The following TUT4 variants were observed in gnomAD, a reference collection of about 807,000 sequenced individuals.
The protein encoded by TUT4 is terminal uridylyltransferase 4.
A neutral mutation model predicts 192.2 loss-of-function variants in TUT4; 36 were observed. The ratio of observed to expected loss-of-function variants is 0.19; its 90% CI spans 0.14 to 0.25. The LOEUF is 0.25. Ranked by LOEUF, TUT4 falls within the 10% of genes least tolerant of loss-of-function variation. TUT4 has a pLI of 1.00. For missense variants in TUT4, 1,493 were observed against 1,957.2 expected (o/e 0.76, Z 4.47); for synonymous variants, 618 against 666.0 (o/e 0.93, Z 1.11).
rs1282392833 is a variant in TUT4 at position 52,475,004 on chromosome 1, C to T, written c.2555G>A (p.Cys852Tyr). 2 of 1,614,170 alleles carry T rather than the reference C, an allele frequency of 1.2e-6. No homozygotes were observed. Among genetic ancestry groups the T allele is most frequent in the Admixed American group, 3.3e-5 (2 of 60,026 alleles). Residue 852 changes from cysteine (C) to tyrosine (Y), a missense_variant, in exon 13 of 30, where the codon TGC (cysteine) becomes TAC (tyrosine). Physicochemically the swap from Cys to Tyr is radical, Grantham distance 194 (BLOSUM62 -2). Transcript: ENST00000257177. ...ACTCTCTGTTTCTAAATTTGACCTG[C>T]AGTCTGTTCCAGTAGATTTATCTGG... ...PDPDKSTGTD[C>Y]RSNLETESSH... is the part of the protein sequence containing the mutation.
In TUT4 at chr1:52,435,444, A is replaced by C. The variant is rs752024382; in HGVS notation, c.4184T>G (p.Leu1395Arg). ...SVAAAQLVRN[L>R]VNAQQVAGSA... ...ACCAGCCACCTGTTGAGCATTTACA[A>C]GGTTGCGGACCAGCTGGGCTGCTAA... The change falls in exon 27 of 30, where the codon CTT becomes CGT. Residue 1395 changes from leucine (L) to arginine (R), a missense_variant. Transcript: ENST00000257177. 6.2e-7 allele frequency: 1 copy of C among 1,614,052 alleles called. No individual in the cohort carries two copies. Among genetic ancestry groups the C allele is most frequent in the Non-Finnish European group, 8.5e-7 (1 of 1,180,000 alleles).
intron 20 of TUT4, among the ~76,000 whole-genome samples, chr1:52,450,950 A>G (rs1659194402): frequency 1.3e-5 from 2 of 152,124 alleles, no homozygotes; most frequent in African/African-American, 4.8e-5. Context: ...CCCTATTTAA[A>G]GCCTAAACAA....
chr1:52,425,452 G>A lies in TUT4; in HGVS notation c.4767C>T (p.Pro1589=), dbSNP rs1649541686. The A allele has an allele frequency of 6.2e-7, 1 of 1,614,090 alleles. No individual in the cohort carries two copies. Among genetic ancestry groups the A allele is most frequent in the Non-Finnish European group, 8.5e-7 (1 of 1,179,948 alleles). Residue 1589 remains proline, a synonymous_variant, in exon 29 of 30, where the codon CCC becomes CCT. Coordinates refer to ENST00000257177, the MANE Select transcript of TUT4 (RefSeq NM_001009881.3). ...PPIPWEHAPR[P]HFPLVPASWP... ...ACGAAGCTGGGACAAGGGGGAAATG[G>A]GGACGCGGTGCATGTTCCCAAGGAA...
chr1:52,521,094 A>G (rs1489881196), intron 2 of TUT4, among the ~76,000 whole-genome samples: 1 of 151,934 alleles, frequency 6.6e-6, no homozygotes, highest in African/African-American at 2.4e-5. Context: ...GTGCCCGGCC[A>G]ACTTACTACA....
In TUT4 at chr1:52,525,666, A is replaced by T; in HGVS notation, c.615T>A (p.Ala205=). The T allele has an allele frequency of 6.2e-7, 1 of 1,614,156 alleles. No individual in the cohort carries two copies. Among genetic ancestry groups the T allele is most frequent in the Non-Finnish European group, 8.5e-7 (1 of 1,180,022 alleles). The part of the protein sequence containing the change: ...NIEAVGGEKC[A]LQNSPRSQKQ... ...TCTGAGATCGTGGTGAGTTTTGCAGAGCACATTTTTCTCCCCCTACAGCTT... is the reference window on the plus strand; with the variant it reads ...TCTGAGATCGTGGTGAGTTTTGCAGTGCACATTTTTCTCCCCCTACAGCTT... The change falls in exon 2 of 30, where the codon GCT becomes GCA. Residue 205 remains alanine (A), a synonymous_variant. Transcript: ENST00000257177.
chr1:52,487,589 T>C (rs193251677), intron 9 of TUT4, among the ~76,000 whole-genome samples: 3 of 152,250 alleles, frequency 2.0e-5, no homozygotes, highest in African/African-American at 7.2e-5. Flanking sequence ...TTTTACTGCC[T>C]CCACTCTCTT....
intron 9 of TUT4, among the ~76,000 whole-genome samples, chr1:52,488,053 T>C (rs1038265580): frequency 2.6e-5 from 4 of 152,098 alleles, no homozygotes; most frequent in Non-Finnish European, 5.9e-5. Flanking sequence ...TACAAAGGCC[T>C]TGAGTATAAA....
At chr1:52,521,933 C>A (rs1303629973) in intron 2 of TUT4, among the ~76,000 whole-genome samples, 4 of 152,042 alleles carry the variant, frequency 2.6e-5, no homozygotes, top group Non-Finnish European at 5.9e-5. Context: ...CCACTGCACT[C>A]CAGCCAGGGC....
intron 1 of TUT4, among the ~76,000 whole-genome samples, chr1:52,532,483 A>T (rs545215154): frequency 4.6e-5 from 7 of 151,672 alleles, no homozygotes; most frequent in South Asian, 4.2e-4. Context: ...GCAATTTTTT[A>T]AAAAATTTTA....
chr1:52,451,720 G>A (rs933564903), intron 20 of TUT4, among the ~76,000 whole-genome samples: 2 of 151,746 alleles, frequency 1.3e-5, no homozygotes, highest in African/African-American at 4.8e-5. Flanking sequence ...GCGGGCACCT[G>A]TAATCCCAGG....
chr1:52,430,321 C>T (rs898224177), intron 28 of TUT4, among the ~76,000 whole-genome samples: 1 of 152,010 alleles, frequency 6.6e-6, no homozygotes, highest in Admixed American at 6.6e-5. Flanking sequence ...TCTGCTCTGT[C>T]GCCCTGGCTG....
intron 16 of TUT4, chr1:52,461,972 C>T: frequency 2.5e-6 from 1 of 396,436 alleles, no homozygotes. Flanking sequence ...TGAGGACCCT[C>T]CCCAGTCTAC....
At position 52,423,336 on chromosome 1, in the gene TUT4, T is replaced by C. The variant is rs866210071; in HGVS notation, c.*599A>G. The C allele has an allele frequency of 6.5e-6, 1 of 153,076 alleles. No homozygotes were observed. The highest frequency in any genetic ancestry group is 6.5e-5 in the Admixed American group (1 of 15,342). The allele number at this position is 153,076 out of a possible 1,614,324, so 9.5% of individuals were successfully genotyped here. ...AGAAGTACTTCAAATACAGACAAAA[T>C]CAACTTTCCATTCAAGTTTGAATGT... On this transcript the variant is annotated 3_prime_UTR_variant, in exon 30 of 30. Transcript: ENST00000257177.
chr1:52,458,547 C>G, intron 19 of TUT4, 98 bp from the exon 20 acceptor site: 2 of 810,200 alleles, frequency 2.5e-6, no homozygotes, highest in Non-Finnish European at 3.9e-6. Flanking sequence ...ACCCACAGAA[C>G]TGGGTTAAAC....
At chr1:52,462,908 A>G (rs547755524) in intron 16 of TUT4, 1 of 985,432 alleles carries the variant, frequency 1.0e-6, no homozygotes, top group East Asian at 1.1e-4. Flanking sequence ...CCCAAGAGTT[A>G]TAAAGTCATT....
In TUT4 at chr1:52,425,391, C is replaced by G. The variant is rs1649516630; in HGVS notation, c.4828G>C (p.Gly1610Arg). ...YGLHQNFMHQ[G>R]NARFQPNKPF... Reference sequence around the variant, plus strand: ...TTGTTGGGCTGGAATCGGGCATTTCCCTGATGCATGAAGTTTTGATGCAAA... The same window carrying G: ...TTGTTGGGCTGGAATCGGGCATTTCGCTGATGCATGAAGTTTTGATGCAAA... The change falls in exon 29 of 30, where the codon GGA (glycine) becomes CGA (arginine). Residue 1610 changes from glycine (G) to arginine (R), a missense_variant. By Grantham distance (125) the Gly-to-Arg change is moderately radical. Coordinates refer to ENST00000257177, the MANE Select transcript of TUT4 (RefSeq NM_001009881.3). The G allele has an allele frequency of 6.2e-7, 1 of 1,613,650 alleles. No individual in the cohort carries two copies. The highest frequency in any genetic ancestry group is 1.7e-5 in the Admixed American group (1 of 59,942).
chr1:52,431,425 TGGCTGA>T lies in TUT4; in HGVS notation c.4293_4298del (p.Gln1432_Pro1433del), dbSNP rs1421077290. 1.9e-6 allele frequency: 3 copies of T among 1,613,376 alleles called. No individual in the cohort carries two copies. The highest frequency in any genetic ancestry group is 3.3e-5 in the Admixed American group (2 of 59,958). ...CTGACTGGGAAGAGTTCTGTGGAAA[TGGCTGA>T]GGCTGAGGAGAATAAGATGGTGATT... is the stretch of plus-strand genomic sequence containing the variant. On this transcript the variant is annotated inframe_deletion, in exon 28 of 30. Transcript: ENST00000257177.
At chr1:52,542,432 C>T (rs1322568921) in intron 1 of TUT4, among the ~76,000 whole-genome samples, 1 of 152,174 alleles carries the variant, frequency 6.6e-6, no homozygotes, top group Non-Finnish European at 1.5e-5. Flanking sequence ...AAGAATTGTA[C>T]ACCACGATCA....
Position 52,431,110 on chromosome 1 carries a change from G to C in TUT4, c.4614C>G (p.Ala1538=). 1 of 1,614,246 alleles carries C rather than the reference G, an allele frequency of 6.2e-7. No homozygotes were observed. Among genetic ancestry groups the C allele is most frequent in the Non-Finnish European group, 8.5e-7 (1 of 1,180,044 alleles). Residue 1538 remains alanine, a synonymous_variant, in exon 28 of 30, where the codon GCC becomes GCG. Transcript: ENST00000257177. Reference sequence around the variant, plus strand: ...ACGTGTTAGGGATTGCCACAGGTCTGGCAGCAGGCTGTGCAAAGATGATGC... The same window carrying C: ...ACGTGTTAGGGATTGCCACAGGTCTCGCAGCAGGCTGTGCAAAGATGATGC... ...DPSIIFAQPA[A]RPVAIPNTSH... is the part of the protein sequence containing the mutation.
Sources: allele counts gnomAD v4.1 joint callset (sites outside exome capture counted in the v4.1 genomes callset), GRCh38; gene constraint gnomAD v4.1.1; transcripts MANE v1.5; gene names NCBI Gene and HGNC (gene_info 2026-07-23, HGNC 2026-07-21).